ELAPOR2: variants seen among roughly 807,000 people sequenced by gnomAD.
ELAPOR2 encodes the protein endosome/lysosome-associated apoptosis and autophagy regulator family member 2.
A neutral mutation model predicts 120.7 loss-of-function variants in ELAPOR2; 89 were observed. That is an observed-to-expected ratio of 0.74 (90% CI 0.62 to 0.88). The LOEUF (loss-of-function observed/expected upper bound fraction) is 0.88, where lower values mean the gene tolerates loss of function less well. ELAPOR2 is among the 40% of genes least tolerant of loss of function. The probability of loss-of-function intolerance (pLI) is 0.00; values close to 1 mark genes in which losing one functional copy is unlikely to be tolerated. For missense variants in ELAPOR2, 1,134 were observed against 1,251.6 expected (o/e 0.91, Z 1.42); for synonymous variants, 444 against 444.9 (o/e 1.00, Z 0.03).
chr7:86,933,801 A>C (rs1165457242), intron 8 of ELAPOR2, among the ~76,000 whole-genome samples: 2 of 151,998 alleles, frequency 1.3e-5, no homozygotes, highest in African/African-American at 2.4e-5. Context: ...TAAAGCTTGC[A>C]TTGCTTGACA....
At chr7:86,898,471 A>G (rs963948619) in intron 18 of ELAPOR2, among the ~76,000 whole-genome samples, 1 of 148,676 alleles carries the variant, frequency 6.7e-6, no homozygotes, top group Non-Finnish European at 1.5e-5. Flanking sequence ...CCACTGAATT[A>G]TATGCTTTAA....
intron 1 of ELAPOR2, among the ~76,000 whole-genome samples, chr7:87,034,193 T>C (rs1794508325): frequency 6.6e-6 from 1 of 152,058 alleles, no homozygotes; most frequent in African/African-American, 2.4e-5. Context: ...AGTCTGATGG[T>C]GAAAAGTATG....
chr7:87,051,379 T>C (rs185954056), intron 1 of ELAPOR2, among the ~76,000 whole-genome samples: 21 of 152,354 alleles, frequency 1.4e-4, no homozygotes, highest in African/African-American at 4.8e-4. Flanking sequence ...AGTACTCCTA[T>C]AAAATATTTT....
chr7:86,964,812 T>G (rs1220659505), intron 2 of ELAPOR2, 92 bp downstream of exon 2: 1 of 1,367,014 alleles, frequency 7.3e-7, no homozygotes, highest in African/African-American at 1.5e-5. Flanking sequence ...TTTTGTAAGG[T>G]CTCCTACATT....
At chr7:86,890,050 G>T (rs1360295090) in intron 21 of ELAPOR2, among the ~76,000 whole-genome samples, 1 of 151,860 alleles carries the variant, frequency 6.6e-6, no homozygotes, top group Non-Finnish European at 1.5e-5. Context: ...GATCAAATTT[G>T]ATCCCAGCTT....
intron 1 of ELAPOR2, among the ~76,000 whole-genome samples, chr7:87,055,431 G>A (rs909451669): frequency 1.3e-5 from 2 of 152,092 alleles, no homozygotes; most frequent in African/African-American, 4.8e-5. Flanking sequence ...CTTATGATAG[G>A]CTCCTGCCTG....
intron 12 of ELAPOR2, among the ~76,000 whole-genome samples, chr7:86,917,955 T>C (rs1040366520): frequency 5.9e-5 from 9 of 152,190 alleles, no homozygotes; most frequent in Admixed American, 2.0e-4. Flanking sequence ...GAGATTTGTA[T>C]GACATCTAGA....
chr7:86,899,563 A>G (rs995820920), intron 18 of ELAPOR2, among the ~76,000 whole-genome samples: 18 of 152,158 alleles, frequency 1.2e-4, no homozygotes, highest in Admixed American at 7.9e-4. Context: ...ATTCAGTCTA[A>G]CAGCAAAGTA....
Position 86,926,775 on chromosome 7 carries a change from G to A in ELAPOR2, c.1231C>T (p.His411Tyr), listed in dbSNP as rs1182358128. ...GFYNNGSSSC[H>Y]PCPPGTFSDG... ...GAAAATGTTCCAGGAGGACAGGGAT[G>A]GCAAGAAGATGATCCATTGTTATAA... The change falls in exon 9 of 22, where the codon CAT becomes TAT. Residue 411 changes from histidine (H) to tyrosine (Y), a missense_variant. Physicochemically the swap from His to Tyr is moderately conservative, Grantham distance 83. Transcript: ENST00000450689. The A allele has an allele frequency of 6.2e-7, 1 of 1,611,692 alleles. No homozygotes were observed. Among genetic ancestry groups the A allele is most frequent in the South Asian group, 1.1e-5 (1 of 90,822 alleles).
intron 1 of ELAPOR2, among the ~76,000 whole-genome samples, chr7:86,994,036 A>T (rs1440442687): frequency 6.6e-6 from 1 of 152,176 alleles, no homozygotes; most frequent in Non-Finnish European, 1.5e-5. Context: ...TTCCTTTCTT[A>T]TTGCAAAACT....
chr7:86,965,435 T>C (rs1338777243), intron 1 of ELAPOR2, among the ~76,000 whole-genome samples: 1 of 152,216 alleles, frequency 6.6e-6, no homozygotes, highest in Non-Finnish European at 1.5e-5. Flanking sequence ...AGAGAACTAC[T>C]TCCATTGACC....
chr7:86,908,369 TA>T (rs944096171), intron 17 of ELAPOR2, 77 bp downstream of exon 17: 2 of 735,026 alleles, frequency 2.7e-6, no homozygotes, highest in African/African-American at 1.9e-5. Context: ...TAATTATAAA[TA>T]TATGAGTATT....
At chr7:86,949,222 A>G (rs1467957850) in intron 2 of ELAPOR2, among the ~76,000 whole-genome samples, 2 of 152,252 alleles carry the variant, frequency 1.3e-5, no homozygotes, top group African/African-American at 2.4e-5. Context: ...TACATAGTCA[A>G]AACTGTCCTA....
intron 1 of ELAPOR2, among the ~76,000 whole-genome samples, chr7:87,006,245 T>G (rs1441605919): frequency 6.6e-6 from 1 of 152,104 alleles, no homozygotes; most frequent in Non-Finnish European, 1.5e-5. Flanking sequence ...CATTAAAAAG[T>G]CATTTAATAA....
intron 1 of ELAPOR2, among the ~76,000 whole-genome samples, chr7:87,001,646 A>T (rs1793320818): frequency 6.6e-6 from 1 of 152,126 alleles, no homozygotes; most frequent in South Asian, 2.1e-4. Context: ...ATGTTGTGCT[A>T]TTGGAGCCAC....
At chr7:86,944,467 T>C (rs566884134) in intron 4 of ELAPOR2, among the ~76,000 whole-genome samples, 3 of 152,194 alleles carry the variant, frequency 2.0e-5, no homozygotes, top group Non-Finnish European at 4.4e-5. Context: ...TAATTTTTGT[T>C]AGCAAAAAAA....
intron 1 of ELAPOR2, among the ~76,000 whole-genome samples, chr7:86,976,389 G>T (rs978533850): frequency 1.3e-5 from 2 of 152,154 alleles, no homozygotes; most frequent in Non-Finnish European, 2.9e-5. Flanking sequence ...ATAATCCTCT[G>T]GTTCAGTCTA....
At chr7:86,897,783 A>C (rs1030869640) in intron 18 of ELAPOR2, 151 bp from the exon 19 acceptor site, 6 of 764,758 alleles carry the variant, frequency 7.8e-6, no homozygotes, top group Non-Finnish European at 1.2e-5. Flanking sequence ...AAAAGACACA[A>C]ACCACTATGA....
At chr7:87,017,584 T>C (rs758010109) in intron 1 of ELAPOR2, among the ~76,000 whole-genome samples, 3 of 152,190 alleles carry the variant, frequency 2.0e-5, no homozygotes, top group Non-Finnish European at 4.4e-5. Context: ...AATAAACACA[T>C]ATTTTTGTTT....
Sources: allele counts gnomAD v4.1 joint callset (sites outside exome capture counted in the v4.1 genomes callset), GRCh38; gene constraint gnomAD v4.1.1; transcripts MANE v1.5; gene names NCBI Gene and HGNC (gene_info 2026-07-23, HGNC 2026-07-21).